Variants in RAB11FIP3 observed in about 807,000 individuals in gnomAD.
The protein encoded by RAB11FIP3 is rab11 family-interacting protein 3.
Under a neutral mutation model 77.8 loss-of-function variants are expected in RAB11FIP3, and 17 were observed. The observed-to-expected ratio is 0.22, with a 90% CI of 0.15 to 0.33. RAB11FIP3 has a LOEUF of 0.33. Ranked by LOEUF, RAB11FIP3 falls within the 10% of genes least tolerant of loss-of-function variation. The probability of loss-of-function intolerance (pLI) is 1.00; values close to 1 mark genes in which losing one functional copy is unlikely to be tolerated. For missense variants in RAB11FIP3, 1,005 were observed against 1,011.2 expected (o/e 0.99, Z 0.08); for synonymous variants, 437 against 448.2 (o/e 0.98, Z 0.31).
In RAB11FIP3 at chr16:505,477, C is replaced by T; in HGVS notation, c.1396-47C>T. On this transcript the variant is annotated intron_variant, in intron 7 of 13. Coordinates refer to ENST00000262305, the MANE Select transcript of RAB11FIP3 (RefSeq NM_014700.4). This position sits in a 1 kb window ranked among gnomAD's most constrained non-coding sequence, Gnocchi z 4.0. Reference sequence around the variant, plus strand: ...GGTTGTTCCCTTGGGGGTGCAGGCCCTTCTGCTTCTGGCTGCCTGACCCTG... The same window carrying T: ...GGTTGTTCCCTTGGGGGTGCAGGCCTTTCTGCTTCTGGCTGCCTGACCCTG... 1 of 1,516,884 alleles carries T rather than the reference C, an allele frequency of 6.6e-7. No individual in the cohort carries two copies. The allele number at this position is 1,516,884 out of a possible 1,614,324, so 94.0% of individuals were successfully genotyped here. A position where few individuals can be genotyped will look rare whatever the true frequency, so the allele number is the denominator to read the frequency against.
At chr16:480,333 T>G (rs2056014470) in intron 3 of RAB11FIP3, among the ~76,000 whole-genome samples, 1 of 151,356 alleles carries the variant, frequency 6.6e-6, no homozygotes. Flanking sequence ...TTCATTTTAT[T>G]TTCATTTTTG....
intron 2 of RAB11FIP3, among the ~76,000 whole-genome samples, chr16:462,659 A>AGCACCGTCCATTCCCTG (rs1567370927): frequency 4.8e-5 from 7 of 145,180 alleles, no homozygotes; most frequent in African/African-American, 1.9e-4. Context: ...TCCCTTCCGC[A>AGCACCGTCCATTCCCTG]GCACCGTCCC....
At chr16:462,492 C>T (rs930018877) in intron 2 of RAB11FIP3, among the ~76,000 whole-genome samples, 1 of 152,164 alleles carries the variant, frequency 6.6e-6, no homozygotes. Context: ...GCCTCAGCCT[C>T]CCAAGGCTGA....
At chr16:477,883 G>A (rs1389839753) in intron 3 of RAB11FIP3, among the ~76,000 whole-genome samples, 1 of 152,186 alleles carries the variant, frequency 6.6e-6, no homozygotes, top group Non-Finnish European at 1.5e-5. Flanking sequence ...CTCGCACCCT[G>A]CAGTCCTTGT....
chr16:508,317 T>C (rs1419796355), intron 8 of RAB11FIP3, among the ~76,000 whole-genome samples: 2 of 152,182 alleles, frequency 1.3e-5, no homozygotes, highest in Non-Finnish European at 1.5e-5. Context: ...TGGAGGAGGA[T>C]CTTGTATTAT....
chr16:426,678 C>T lies in RAB11FIP3; in HGVS notation c.672C>T (p.Ile224=), dbSNP rs763164515. The T allele has an allele frequency of 1.3e-6, 2 of 1,541,304 alleles. No individual in the cohort carries two copies. Among genetic ancestry groups the T allele is most frequent in the Admixed American group, 2.0e-5 (1 of 50,174 alleles). ...LDGDGDGFVR[I]EDFIQFATVY... ...GGGATGGGGACGGTTTCGTCCGCAT[C>T]GAGGACTTCATCCAGTTTGCTACGG... Residue 224 remains isoleucine (I), a synonymous_variant, in exon 1 of 14, where the codon ATC becomes ATT. Transcript: ENST00000262305. This position sits in a 1 kb window ranked among gnomAD's most constrained non-coding sequence, Gnocchi z 5.0.
chr16:458,620 A>ACAGGGCCTGGGGGGCCTTCCTCAGGT (rs2055548157), intron 1 of RAB11FIP3, among the ~76,000 whole-genome samples: 20 of 151,956 alleles, frequency 1.3e-4, no homozygotes, highest in Admixed American at 2.6e-4. Context: ...ACCGATGCTC[A>ACAGGGCCTGGGGGGCCTTCCTCAGGT]TCTGCCGTAA....
intron 6 of RAB11FIP3, 24 bp downstream of exon 6, chr16:496,883 T>G (rs374468432): frequency 4.5e-6 from 7 of 1,545,412 alleles, no homozygotes; most frequent in Non-Finnish European, 3.6e-6. Context: ...TGGTTCCTGC[T>G]GAAAAACGTT....
At chr16:473,433 A>G (rs28577171) in intron 3 of RAB11FIP3, among the ~76,000 whole-genome samples, 17,350 of 152,082 alleles carry the variant, frequency 0.11, 1,151 homozygotes, top group East Asian at 0.21. Context: ...TTACATGATT[A>G]TTTGTTTTGT....
intron 2 of RAB11FIP3, among the ~76,000 whole-genome samples, chr16:467,520 G>T (rs113725410): frequency 2.1e-3 from 175 of 84,984 alleles, no homozygotes; most frequent in East Asian, 7.8e-3. Flanking sequence ...GAGGAGGTGC[G>T]GGGGCGTCAG....
intron 1 of RAB11FIP3, chr16:451,456 G>C (rs1294748133): frequency 1.3e-5 from 2 of 152,240 alleles, no homozygotes; most frequent in African/African-American, 4.8e-5. Context: ...ACGTGGAAAG[G>C]TGTCAGGGAG....
intron 9 of RAB11FIP3, among the ~76,000 whole-genome samples, chr16:513,972 T>G (rs547606449): frequency 2.0e-5 from 3 of 152,216 alleles, no homozygotes; most frequent in African/African-American, 7.2e-5. Flanking sequence ...CATGGGACCT[T>G]TCCGCTGGGG....
rs2032303474 is a variant in RAB11FIP3, at chr16:514,096, C to T, written c.1640+3296C>T. Among the ~76,000 whole-genome samples, 1 of 152,216 alleles carries T rather than the reference C, an allele frequency of 6.6e-6. No homozygotes were observed. Among genetic ancestry groups the T allele is most frequent in the South Asian group, 2.1e-4 (1 of 4,836 alleles). ...TCAGGGAGCAAGCAGGGCCCAGTGT[C>T]ACTGCCTCTTGTGAGCAAGCCGCCT... On this transcript the variant is annotated intron_variant, in intron 9 of 13. Coordinates refer to ENST00000262305, the MANE Select transcript of RAB11FIP3 (RefSeq NM_014700.4). The surrounding 1 kb of genome is among the most constrained non-coding windows in gnomAD (Gnocchi z 4.6).
chr16:456,765 A>G (rs2141631961), intron 1 of RAB11FIP3, among the ~76,000 whole-genome samples: 1 of 152,300 alleles, frequency 6.6e-6, no homozygotes, highest in South Asian at 2.1e-4. Flanking sequence ...TCAACAACAA[A>G]CAAAAAAACC....
Position 507,003 on chromosome 16 carries a change from G to C in RAB11FIP3, c.1499+1376G>C, listed in dbSNP as rs1398304309. 6.6e-6 allele frequency among the ~76,000 whole-genome samples: 1 copy of C among 152,124 alleles called. No homozygotes were observed. Among genetic ancestry groups the C allele is most frequent in the Non-Finnish European group, 1.5e-5 (1 of 68,028 alleles). On this transcript the variant is annotated intron_variant, in intron 8 of 13. Coordinates refer to ENST00000262305, the MANE Select transcript of RAB11FIP3 (RefSeq NM_014700.4). The surrounding 1 kb of genome is among the most constrained non-coding windows in gnomAD (Gnocchi z 4.6). The stretch of plus-strand genomic sequence containing the variant: ...TTTTTGAGAGACAGGGCCTCGCTCT[G>C]TTGCTCAGGCTGAGTGCTGACTACA...
At chr16:503,663 T>C (rs1340147693) in intron 7 of RAB11FIP3, among the ~76,000 whole-genome samples, 5 of 152,066 alleles carry the variant, frequency 3.3e-5, no homozygotes, top group Non-Finnish European at 7.4e-5. Context: ...GCAGATCACT[T>C]GAGGTCAGGA....
At chr16:492,311 G>T (rs1410808415) in intron 5 of RAB11FIP3, among the ~76,000 whole-genome samples, 1 of 140,614 alleles carries the variant, frequency 7.1e-6, no homozygotes, top group Non-Finnish European at 1.5e-5. Flanking sequence ...TGGAGCATCG[G>T]GGGTCTTGGC....
intron 5 of RAB11FIP3, among the ~76,000 whole-genome samples, chr16:495,844 G>C (rs912743159): frequency 2.0e-5 from 3 of 152,140 alleles, no homozygotes; most frequent in Non-Finnish European, 2.9e-5. Flanking sequence ...TCTGCCTCCC[G>C]GGTTCAAGCG....
chr16:517,007 C>CA (rs1420477999), intron 9 of RAB11FIP3, among the ~76,000 whole-genome samples: 1 of 152,286 alleles, frequency 6.6e-6, no homozygotes, highest in East Asian at 1.9e-4. Flanking sequence ...AGGGACCTGT[C>CA]AGAGTGCACA....
Sources: gnomAD v4.1 joint callset for allele counts (sites outside exome capture counted in the v4.1 genomes callset) on GRCh38, gnomAD v4.1.1 for gene constraint, Gnocchi (gnomAD v3.1) non-coding constraint, MANE v1.5 for transcripts, NCBI Gene and HGNC (gene_info 2026-07-23, HGNC 2026-07-21) for gene names.